ELF2: variants seen among roughly 807,000 people sequenced by gnomAD.
ELF2 encodes E74 like ETS transcription factor 2.
Under a neutral mutation model 54.8 loss-of-function variants are expected in ELF2, and 11 were observed. That is an observed-to-expected ratio of 0.20 (90% CI 0.13 to 0.33). ELF2 has a LOEUF of 0.33. Ranked by LOEUF, ELF2 falls within the 10% of genes least tolerant of loss-of-function variation. The pLI, the probability that ELF2 is intolerant of heterozygous loss-of-function variation, is 1.00. For synonymous variants in ELF2, 203 were observed against 245.1 expected (o/e 0.83, Z 1.61); for missense variants, 513 against 703.0 (o/e 0.73, Z 3.06).
At chr4:139,073,377 T>TA (rs1203789352) in intron 5 of ELF2, 77 bp downstream of exon 5, 7 of 973,834 alleles carry the variant, frequency 7.2e-6, no homozygotes, top group Non-Finnish European at 1.0e-5. Flanking sequence ...TCCATTGGAT[T>TA]AAAAAAACAA....
rs1243947878 is a variant in ELF2 at position 139,057,279 on chromosome 4, A to T, written c.*1704T>A. 6.6e-6 allele frequency: 1 copy of T among 152,260 alleles called. No individual in the cohort carries two copies. Among genetic ancestry groups the T allele is most frequent in the African/African-American group, 2.4e-5 (1 of 41,474 alleles). 9.4% of individuals were successfully genotyped at this position (152,260 alleles called of 1,614,324 possible). The stretch of plus-strand genomic sequence containing the variant: ...TTTCTTTGAGCTTTTGTATAAAAGT[A>T]TCATCAATATATTTATGGAAAAGTT... On this transcript the variant is annotated 3_prime_UTR_variant, in exon 10 of 10. Transcript: ENST00000686138.
At position 139,058,693 on chromosome 4, in the gene ELF2, G is replaced by C; in HGVS notation, c.*290C>G. On this transcript the variant is annotated 3_prime_UTR_variant, in exon 10 of 10. Transcript: ENST00000686138. ...CAGAATGTTAGTGTTCCAAGTCTTA[G>C]TGTAACTTGATATCGTAGTGAGCTG... is the stretch of plus-strand genomic sequence containing the variant. 3.2e-6 allele frequency: 1 copy of C among 309,074 alleles called. No homozygotes were observed. The highest frequency in any genetic ancestry group is 6.0e-5 in the South Asian group (1 of 16,706). 19.1% of individuals were successfully genotyped at this position (309,074 alleles called of 1,614,324 possible). A position where few individuals can be genotyped will look rare whatever the true frequency, so the allele number is the denominator to read the frequency against.
chr4:139,115,399 G>C (rs1217234568), intron 4 of ELF2: 1 of 1,004,848 alleles, frequency 1.0e-6, no homozygotes, highest in Non-Finnish European at 1.2e-6. Flanking sequence ...CCACGTGCGC[G>C]CATCGGGCCC....
chr4:139,090,631 G>A (rs1233136999), intron 4 of ELF2, among the ~76,000 whole-genome samples: 1 of 152,162 alleles, frequency 6.6e-6, no homozygotes, highest in Non-Finnish European at 1.5e-5. Context: ...GTCTGGCTCT[G>A]TCATCCATGC....
At chr4:139,169,473 A>G (rs1032384548) in intron 1 of ELF2, among the ~76,000 whole-genome samples, 2 of 152,172 alleles carry the variant, frequency 1.3e-5, no homozygotes, top group Non-Finnish European at 2.9e-5. Flanking sequence ...TTCATGTCCA[A>G]CCTCAGACTG....
At chr4:139,169,647 G>A (rs1742072775) in intron 1 of ELF2, among the ~76,000 whole-genome samples, 1 of 152,146 alleles carries the variant, frequency 6.6e-6, no homozygotes, top group Non-Finnish European at 1.5e-5. Flanking sequence ...CACGAGGTCA[G>A]GAGATCGAGA....
rs776035411 is a variant in ELF2 at position 139,114,561 on chromosome 4, T to TCACACACACACACACA, written c.238+10587_238+10602dup. ...CTGGCAACAGAGCGAGACTTCAGTC[T>TCACACACACACACACA]CACACACACACACACACACACACAC... On this transcript the variant is annotated intron_variant, in intron 4 of 9. Coordinates refer to ENST00000686138, the MANE Select transcript of ELF2 (RefSeq NM_001331036.3). Among the ~76,000 whole-genome samples the TCACACACACACACACA allele has an allele frequency of 1.4e-3, 152 of 108,638 alleles. 1 individual carries two copies. Among genetic ancestry groups the TCACACACACACACACA allele is most frequent in the African/African-American group, 4.6e-3 (130 of 28,174 alleles). 71.3% of individuals were successfully genotyped at this position (108,638 alleles called of 152,430 possible). A position where few individuals can be genotyped will look rare whatever the true frequency, so the allele number is the denominator to read the frequency against.
intron 1 of ELF2, among the ~76,000 whole-genome samples, chr4:139,164,063 T>A (rs187307102): frequency 1.0e-3 from 75 of 72,748 alleles, no homozygotes; most frequent in South Asian, 2.1e-3. Context: ...AGAGAAAGAG[T>A]GGGGGTGAGA....
At chr4:139,078,239 G>A (rs1730592893) in intron 4 of ELF2, among the ~76,000 whole-genome samples, 1 of 151,980 alleles carries the variant, frequency 6.6e-6, no homozygotes, top group Non-Finnish European at 1.5e-5. Context: ...ATGTTCTCAA[G>A]TCAAAAATAA....
At chr4:139,153,188 A>G (rs1456865637) in intron 1 of ELF2, among the ~76,000 whole-genome samples, 26 of 152,138 alleles carry the variant, frequency 1.7e-4, no homozygotes. Context: ...TAATCCCAGC[A>G]CTTTAGGAGG....
intron 1 of ELF2, among the ~76,000 whole-genome samples, chr4:139,154,590 G>A (rs2148890428): frequency 6.7e-6 from 1 of 149,884 alleles, no homozygotes; most frequent in East Asian, 2.0e-4. Context: ...AAAAAAAAAA[G>A]CTACATACTT....
chr4:139,157,370 C>T (rs1218689584), intron 1 of ELF2, among the ~76,000 whole-genome samples: 2 of 151,966 alleles, frequency 1.3e-5, no homozygotes, highest in Admixed American at 1.3e-4. Context: ...AAGAAATGAA[C>T]TTAGATAACT....
chr4:139,084,889 AT>A (rs1392048817), intron 4 of ELF2, among the ~76,000 whole-genome samples: 1 of 152,224 alleles, frequency 6.6e-6, no homozygotes, highest in Non-Finnish European at 1.5e-5. Flanking sequence ...TACTTGGAAA[AT>A]AAGGAGTTTC....
intron 4 of ELF2, among the ~76,000 whole-genome samples, chr4:139,089,071 CTAT>C (rs1160580138): frequency 6.6e-6 from 1 of 152,160 alleles, no homozygotes; most frequent in Non-Finnish European, 1.5e-5. Flanking sequence ...ACTTTCAATA[CTAT>C]TTCTATACTG....
chr4:139,080,520 A>T (rs1517934), intron 4 of ELF2, among the ~76,000 whole-genome samples: 31,798 of 152,064 alleles, frequency 0.21, 4,354 homozygotes, highest in East Asian at 0.49. Flanking sequence ...TTTAGGCTAA[A>T]TTTCCAGAAA....
At chr4:139,118,176 A>G (rs969512009) in intron 4 of ELF2, among the ~76,000 whole-genome samples, 27 of 152,312 alleles carry the variant, frequency 1.8e-4, no homozygotes, top group African/African-American at 4.6e-4. Context: ...CTCCGTCTTC[A>G]AGGTGCTTAT....
intron 2 of ELF2, among the ~76,000 whole-genome samples, chr4:139,138,309 C>T (rs1041067233): frequency 5.3e-5 from 8 of 151,734 alleles, no homozygotes; most frequent in Non-Finnish European, 1.0e-4. Flanking sequence ...CCCAGCTACT[C>T]GGGAGGCTGA....
intron 4 of ELF2, among the ~76,000 whole-genome samples, chr4:139,075,614 A>G (rs1462424858): frequency 6.6e-6 from 1 of 152,052 alleles, no homozygotes. Context: ...ATTTTAGTAG[A>G]GACGGGGTTT....
chr4:139,080,484 A>G (rs1429340022), intron 4 of ELF2, among the ~76,000 whole-genome samples: 3 of 152,202 alleles, frequency 2.0e-5, no homozygotes, highest in South Asian at 4.1e-4. Context: ...TTAATAAAAT[A>G]GATTTGTTTT....
Sources: gnomAD v4.1 joint callset for allele counts (sites outside exome capture counted in the v4.1 genomes callset) on GRCh38, gnomAD v4.1.1 for gene constraint, MANE v1.5 for transcripts, NCBI Gene and HGNC (gene_info 2026-07-23, HGNC 2026-07-21) for gene names.